The following HERC1 variants were observed in gnomAD, a reference collection of about 807,000 sequenced individuals.
The protein encoded by HERC1 is HECT and RLD domain containing E3 ubiquitin protein ligase family member 1.
In HERC1, 160 loss-of-function variants were observed where a neutral mutation model predicts 554.3. That is an observed-to-expected ratio of 0.29 (90% CI 0.25 to 0.33). The LOEUF is 0.33. Among genes scored for constraint, HERC1 ranks in the 10% least tolerant of loss-of-function variants. The pLI is 1.00. For missense variants in HERC1, 4,919 were observed against 5,918.5 expected (o/e 0.83, Z 5.54); for synonymous variants, 2,175 against 2,131.7 (o/e 1.02, Z -0.56).
At chr15:63,626,454 TC>T (rs1161784303) in intron 70 of HERC1, among the ~76,000 whole-genome samples, 1 of 152,260 alleles carries the variant, frequency 6.6e-6, no homozygotes, top group Non-Finnish European at 1.5e-5. Flanking sequence ...CTTAGGCAGT[TC>T]TTTCACAAAA....
chr15:63,821,511 G>A (rs1462144896), intron 1 of HERC1, among the ~76,000 whole-genome samples: 8 of 145,250 alleles, frequency 5.5e-5, no homozygotes, highest in East Asian at 2.0e-4. Context: ...AGCCGAGATC[G>A]TACCACTGCA....
At position 63,696,136 on chromosome 15, in the gene HERC1, C is replaced by T. The variant is rs1442897635; in HGVS notation, c.5109G>A (p.Leu1703=). The T allele has an allele frequency of 6.2e-7, 1 of 1,611,686 alleles. No individual in the cohort carries two copies. The highest frequency in any genetic ancestry group is 1.7e-5 in the Admixed American group (1 of 59,942). The change falls in exon 27 of 78, where the codon TTG becomes TTA. Residue 1703 remains leucine, a synonymous_variant. Coordinates refer to ENST00000443617, the MANE Select transcript of HERC1 (RefSeq NM_003922.4). ...HTGGKGESGR[L]HHYQDGIRAA... is the part of the protein sequence containing the mutation. Reference sequence around the variant, plus strand: ...AGGTGTCACCTACCTGATAGTGATGCAATCGGCCACTCTCTCCCTTGCCTC... The same window carrying T: ...AGGTGTCACCTACCTGATAGTGATGTAATCGGCCACTCTCTCCCTTGCCTC...
chr15:63,663,947 GTTT>G (rs2070484852), intron 43 of HERC1, among the ~76,000 whole-genome samples: 1 of 152,188 alleles, frequency 6.6e-6, no homozygotes, highest in Non-Finnish European at 1.5e-5. Flanking sequence ...ACATATTCAA[GTTT>G]TTGGTTTGGA....
intron 1 of HERC1, among the ~76,000 whole-genome samples, chr15:63,818,403 G>C (rs114223896): frequency 6.6e-6 from 1 of 152,094 alleles, no homozygotes; most frequent in East Asian, 1.9e-4. Flanking sequence ...GAGCCAAACC[G>C]ACAGATGGCA....
chr15:63,672,036 C>T (rs1369711903), intron 39 of HERC1, among the ~76,000 whole-genome samples: 1 of 152,160 alleles, frequency 6.6e-6, no homozygotes, highest in African/African-American at 2.4e-5. Flanking sequence ...AAGACATGCC[C>T]TTTCGTTTGA....
In HERC1 at chr15:63,775,404, C is replaced by G; in HGVS notation, c.220G>C (p.Glu74Gln). 1 of 1,613,980 alleles carries G rather than the reference C, an allele frequency of 6.2e-7. No individual in the cohort carries two copies. Residue 74 changes from glutamate to glutamine, a missense_variant, in exon 2 of 78, where the codon GAG becomes CAG. Coordinates refer to ENST00000443617, the MANE Select transcript of HERC1 (RefSeq NM_003922.4). The surrounding 1 kb of genome is among the most constrained non-coding windows in gnomAD (Gnocchi z 4.0). The part of the protein sequence containing the change: ...DFERESLSSD[E>Q]QDHYLDALLS... The stretch of plus-strand genomic sequence containing the variant: ...AGGGCATCCAAATAGTGGTCCTGCT[C>G]ATCACTTGAAAGAGACTCACGTTCA...
chr15:63,623,935 T>A, intron 72 of HERC1, 45 bp from the exon 73 acceptor site: 1 of 1,592,292 alleles, frequency 6.3e-7, no homozygotes, highest in South Asian at 1.1e-5. Flanking sequence ...CTCTTACCAA[T>A]TTCCCCAAAA....
chr15:63,706,406 T>G (rs1400390415), intron 25 of HERC1, among the ~76,000 whole-genome samples: 1 of 152,168 alleles, frequency 6.6e-6, no homozygotes, highest in Non-Finnish European at 1.5e-5. Context: ...CCATTTAAAC[T>G]GTAACAACTC....
chr15:63,656,932 T>G (rs1219455062), intron 48 of HERC1, among the ~76,000 whole-genome samples: 1 of 152,222 alleles, frequency 6.6e-6, no homozygotes, highest in Non-Finnish European at 1.5e-5. Context: ...AGTTCATTTA[T>G]CCCTACAGAT....
chr15:63,713,611 T>C lies in HERC1; in HGVS notation c.4205A>G (p.Asp1402Gly), dbSNP rs779387588. ...AGACCCTGCCCCACTGTTCATTCTA[T>C]CTCGGTCTCGGCTACGAGCTACTTC... is the stretch of plus-strand genomic sequence containing the variant. Reference protein sequence around the residue: ...AREVARSRDRDRMNSGAGSGA... With the variant: ...AREVARSRDRGRMNSGAGSGA... The change falls in exon 23 of 78, where the codon GAT becomes GGT. Residue 1402 changes from aspartate (D) to glycine (G), a missense_variant. Physicochemically the swap from Asp to Gly is moderately conservative, Grantham distance 94. This residue lies in a region of HERC1 where 1,121 missense variants were observed against 1,244.0 expected (regional missense o/e 0.90). Coordinates refer to ENST00000443617, the MANE Select transcript of HERC1 (RefSeq NM_003922.4). 1.7e-5 allele frequency: 27 copies of C among 1,613,358 alleles called. No homozygotes were observed. The highest frequency in any genetic ancestry group is 2.3e-5 in the Non-Finnish European group (27 of 1,179,672).
chr15:63,723,755 T>C (rs12900944), intron 18 of HERC1, among the ~76,000 whole-genome samples: 71,468 of 152,044 alleles, frequency 0.47, 17,687 homozygotes, highest in Non-Finnish European at 0.54. Context: ...CAAGGAACCA[T>C]TGAAAATGCG....
chr15:63,757,258 T>C (rs1435708725), intron 4 of HERC1, among the ~76,000 whole-genome samples: 1 of 126,338 alleles, frequency 7.9e-6, no homozygotes, highest in Non-Finnish European at 1.7e-5. Flanking sequence ...CCAGTTTTTA[T>C]TTACTTTTTT....
At chr15:63,611,493 C>T (rs1311047370) in intron 77 of HERC1, among the ~76,000 whole-genome samples, 1 of 152,216 alleles carries the variant, frequency 6.6e-6, no homozygotes, top group Non-Finnish European at 1.5e-5. Context: ...GAGATGCAGC[C>T]CTGCCTGCTC....
rs1011572254 is a variant in HERC1 at position 63,680,497 on chromosome 15, A to G, written c.6465+40T>C. On this transcript the variant is annotated intron_variant, in intron 35 of 77. Coordinates refer to ENST00000443617, the MANE Select transcript of HERC1 (RefSeq NM_003922.4). This position sits in a 1 kb window ranked among gnomAD's most constrained non-coding sequence, Gnocchi z 5.8. Reference sequence around the variant, plus strand: ...GAATAACCGAGTTGACTATAAATAGAAACAAGAAAAATGTAATGCTTGTGA... The same window carrying G: ...GAATAACCGAGTTGACTATAAATAGGAACAAGAAAAATGTAATGCTTGTGA... 4.4e-6 allele frequency: 7 copies of G among 1,602,220 alleles called. No homozygotes were observed. Among genetic ancestry groups the G allele is most frequent in the Admixed American group, 3.4e-5 (2 of 58,300 alleles).
chr15:63,765,983 C>G (rs544511145), intron 2 of HERC1, among the ~76,000 whole-genome samples: 175 of 152,240 alleles, frequency 1.1e-3, no homozygotes, highest in Middle Eastern at 3.4e-3. Flanking sequence ...ACTCATCTCC[C>G]AGGCATTGTC....
intron 1 of HERC1, among the ~76,000 whole-genome samples, chr15:63,829,253 T>C (rs1480976737): frequency 1.3e-5 from 2 of 151,124 alleles, no homozygotes; most frequent in East Asian, 3.9e-4. Context: ...ACCTCGTCTC[T>C]ACTAAAAATT....
chr15:63,706,830 C>T lies in HERC1; in HGVS notation c.4586G>A (p.Ser1529Asn), dbSNP rs764779171. 61 of 1,533,700 alleles carry T rather than the reference C, an allele frequency of 4.0e-5. No individual in the cohort carries two copies. The highest frequency in any genetic ancestry group is 5.2e-5 in the Non-Finnish European group (59 of 1,133,696). ...ATCCAAATCAACATTTCGTCTGCCA[C>T]TCTATTAAAAGTAAAAAGTAAATAA... ...PESDEEGYAL[S>N]GRRNVDLDLA... Residue 1529 changes from serine (S) to asparagine (N), a missense_variant and splice_region_variant, in exon 25 of 78, where the codon AGT becomes AAT. Physicochemically the swap from Ser to Asn is conservative, Grantham distance 46 (BLOSUM62 1). This residue lies in a region of HERC1 where 1,121 missense variants were observed against 1,244.0 expected (regional missense o/e 0.90). Transcript: ENST00000443617.
rs759570400 is a variant in HERC1, at chr15:63,829,479, A to AATAT, written c.-27+4344_-27+4347dup. ...GTGTGTGCACATATATGTTTATATA[A>AATAT]ATATATATATATATATATATACACA... On this transcript the variant is annotated intron_variant, in intron 1 of 77. Coordinates refer to ENST00000443617, the MANE Select transcript of HERC1 (RefSeq NM_003922.4). 2.5e-3 allele frequency among the ~76,000 whole-genome samples: 218 copies of AATAT among 87,602 alleles called. 1 individual carries two copies. The highest frequency in any genetic ancestry group is 0.01 in the African/African-American group (179 of 17,858). The allele number at this position is 87,602 out of a possible 152,430, so 57.5% of individuals were successfully genotyped here.
At chr15:63,655,630 A>G (rs906698769) in intron 50 of HERC1, 112 bp downstream of exon 50, 15 of 760,636 alleles carry the variant, frequency 2.0e-5, no homozygotes, top group Middle Eastern at 3.8e-4. Flanking sequence ...TTTATGTTCT[A>G]AACTTAAGAA....
Sources: gnomAD v4.1 joint callset for allele counts (sites outside exome capture counted in the v4.1 genomes callset) on GRCh38, gnomAD v4.1.1 for gene constraint, gnomAD v4.1.1 regional missense constraint, Gnocchi (gnomAD v3.1) non-coding constraint, MANE v1.5 for transcripts, NCBI Gene and HGNC (gene_info 2026-07-23, HGNC 2026-07-21) for gene names.